CNTN4: variants seen among roughly 807,000 people sequenced by gnomAD.
The protein encoded by CNTN4 is contactin-4.
A neutral mutation model predicts 122.5 loss-of-function variants in CNTN4; 77 were observed. That is an observed-to-expected ratio of 0.63 (90% CI 0.52 to 0.76). The LOEUF is 0.76. CNTN4 is among the 30% of genes least tolerant of loss of function. The pLI is 0.00. For synonymous variants in CNTN4, 512 were observed against 447.0 expected, an observed-to-expected ratio of 1.15 and a Z score of -1.83; for missense variants, 1,256 against 1,259.1, an observed-to-expected ratio of 1.00 and a Z score of 0.04.
chr3:2,497,733 C>T (rs78676727), intron 3 of CNTN4, among the ~76,000 whole-genome samples: 1 of 152,270 alleles, frequency 6.6e-6, no homozygotes, highest in African/African-American at 2.4e-5. Flanking sequence ...TTTTTATTCT[C>T]TCTTATGACT....
At chr3:2,631,630 T>G (rs1297315765) in intron 4 of CNTN4, among the ~76,000 whole-genome samples, 1 of 108,774 alleles carries the variant, frequency 9.2e-6, no homozygotes, top group Non-Finnish European at 2.0e-5. Context: ...AATTTTAAAG[T>G]TTTTTTTTTT....
intron 3 of CNTN4, among the ~76,000 whole-genome samples, chr3:2,421,859 A>G (rs184476738): frequency 1.3e-5 from 2 of 152,342 alleles, no homozygotes; most frequent in East Asian, 3.9e-4. Flanking sequence ...CTAAGGAGAA[A>G]CTTTAGTCAC....
intron 4 of CNTN4, among the ~76,000 whole-genome samples, chr3:2,598,227 C>T (rs1031950191): frequency 6.6e-6 from 1 of 152,116 alleles, no homozygotes; most frequent in Admixed American, 6.5e-5. Context: ...CGAACAACCT[C>T]GTTAGTCCTA....
In CNTN4 at chr3:2,925,792, A is replaced by G; in HGVS notation, c.1358+13A>G. 6.2e-7 allele frequency: 1 copy of G among 1,601,906 alleles called. No homozygotes were observed. The highest frequency in any genetic ancestry group is 8.6e-7 in the Non-Finnish European group (1 of 1,169,396). ...AAGAAAATGAAAGGTACTGTCTTGA[A>G]TTATTTTCAATATTTGGTTAACCTG... On this transcript the variant is annotated intron_variant, in intron 13 of 24. Transcript: ENST00000418658.
At position 2,347,339 on chromosome 3, in the gene CNTN4, G is replaced by A. The variant is rs114937631; in HGVS notation, c.-89+8106G>A. ...AAGCTTCCTCCCGGAATTGACACAC[G>A]TCATTTTTCCTCATATTCCACTAGC... On this transcript the variant is annotated intron_variant, in intron 3 of 24. Coordinates refer to ENST00000418658, the MANE Select transcript of CNTN4 (RefSeq NM_175607.3). Among the ~76,000 whole-genome samples, 593 of 127,638 alleles carry A rather than the reference G, an allele frequency of 4.6e-3. 1 individual carries two copies. The highest frequency in any genetic ancestry group is 6.3e-3 in the Non-Finnish European group (374 of 59,682). The allele number at this position is 127,638 out of a possible 152,430, so 83.7% of individuals were successfully genotyped here.
chr3:3,051,077 C>T (rs1559839100), intron 23 of CNTN4, among the ~76,000 whole-genome samples: 1 of 152,138 alleles, frequency 6.6e-6, no homozygotes, highest in African/African-American at 2.4e-5. Flanking sequence ...AAAAGTTCAT[C>T]AGCTATCATT....
chr3:2,693,126 T>A (rs1452945135), intron 4 of CNTN4, among the ~76,000 whole-genome samples: 1 of 152,192 alleles, frequency 6.6e-6, no homozygotes, highest in African/African-American at 2.4e-5. Flanking sequence ...TCCATATGTC[T>A]TCCTAAATAC....
At chr3:3,019,805 C>CAT (rs71058665) in intron 14 of CNTN4, among the ~76,000 whole-genome samples, 45,395 of 135,806 alleles carry the variant, frequency 0.33, 7,543 homozygotes, top group African/African-American at 0.43. Flanking sequence ...TATACACATG[C>CAT]ATATATATAT....
chr3:2,889,622 G>A (rs994242505), intron 10 of CNTN4, among the ~76,000 whole-genome samples: 3 of 152,232 alleles, frequency 2.0e-5, no homozygotes, highest in African/African-American at 7.2e-5. Flanking sequence ...TAAATATTCA[G>A]ATAATTGGCC....
At chr3:2,123,347 G>T (rs1397800438) in intron 2 of CNTN4, among the ~76,000 whole-genome samples, 2 of 152,166 alleles carry the variant, frequency 1.3e-5, no homozygotes, top group Admixed American at 6.5e-5. Context: ...GCTTCCAGAG[G>T]AGTTTTTCCT....
intron 3 of CNTN4, among the ~76,000 whole-genome samples, chr3:2,392,293 G>A (rs1264533128): frequency 6.6e-6 from 1 of 151,954 alleles, no homozygotes; most frequent in Non-Finnish European, 1.5e-5. Context: ...GTGATTTTAT[G>A]TATAAAGTCA....
intron 9 of CNTN4, among the ~76,000 whole-genome samples, chr3:2,884,870 A>G (rs752111040): frequency 4.6e-4 from 70 of 152,362 alleles, no homozygotes; most frequent in Non-Finnish European, 3.1e-4. Context: ...CTACACAGAA[A>G]TGTTTGGGTA....
chr3:2,704,444 T>G (rs188602204), intron 4 of CNTN4, among the ~76,000 whole-genome samples: 2 of 151,896 alleles, frequency 1.3e-5, no homozygotes, highest in Admixed American at 6.6e-5. Flanking sequence ...AAAATCAATT[T>G]AAAAAATACA....
intron 2 of CNTN4, among the ~76,000 whole-genome samples, chr3:2,212,665 C>A (rs1385565622): frequency 6.6e-6 from 1 of 152,148 alleles, no homozygotes; most frequent in Non-Finnish European, 1.5e-5. Flanking sequence ...ACAGCCAAAC[C>A]GTATCAGCTA....
chr3:3,009,015 G>T (rs749582962), intron 14 of CNTN4: 1 of 985,340 alleles, frequency 1.0e-6, no homozygotes, highest in Non-Finnish European at 1.2e-6. Context: ...TATGATCTGC[G>T]GGCTAGAGGA....
At position 2,927,937 on chromosome 3, in the gene CNTN4, G is replaced by A. The variant is rs554681058; in HGVS notation, c.1358+2158G>A. Among the ~76,000 whole-genome samples, 100 of 152,158 alleles carry A rather than the reference G, an allele frequency of 6.6e-4. 1 individual carries two copies. Among genetic ancestry groups the A allele is most frequent in the African/African-American group, 1.5e-3 (61 of 41,520 alleles). On this transcript the variant is annotated intron_variant, in intron 13 of 24. Transcript: ENST00000418658. ...CTGTGTTCTCACAGTTCTGATCCTC[G>A]TTCCCACCTCACTCAGAATGTATTA...
intron 13 of CNTN4, among the ~76,000 whole-genome samples, chr3:2,950,110 G>T (rs2094722813): frequency 6.6e-6 from 1 of 152,212 alleles, no homozygotes; most frequent in South Asian, 2.1e-4. Flanking sequence ...TAATGGAGTT[G>T]TCGAACATGT....
At chr3:2,210,901 T>A (rs950188776) in intron 2 of CNTN4, among the ~76,000 whole-genome samples, 1 of 152,240 alleles carries the variant, frequency 6.6e-6, no homozygotes, top group Non-Finnish European at 1.5e-5. Context: ...TCAACTAATG[T>A]TTGTCAAACA....
intron 2 of CNTN4, among the ~76,000 whole-genome samples, chr3:2,322,580 T>C (rs558725320): frequency 1.3e-5 from 2 of 152,170 alleles, no homozygotes; most frequent in South Asian, 4.2e-4. Context: ...TTGGGGATCA[T>C]GTAAAAGTGT....
Sources: gnomAD v4.1 joint callset for allele counts (sites outside exome capture counted in the v4.1 genomes callset) on GRCh38, gnomAD v4.1.1 for gene constraint, MANE v1.5 for transcripts, NCBI Gene and HGNC (gene_info 2026-07-23, HGNC 2026-07-21) for gene names.